The following NARF variants were observed in gnomAD, a reference collection of about 807,000 sequenced individuals.
NARF encodes the protein iron-only hydrogenase-like protein 2.
In NARF, 41 loss-of-function variants were observed where a neutral mutation model predicts 48.0. The ratio of observed to expected loss-of-function variants is 0.85; its 90% CI spans 0.66 to 1.11. NARF has a LOEUF of 1.11. NARF is among the 50% of genes least tolerant of loss of function. The pLI is 0.00. For synonymous variants in NARF, 215 were observed against 225.5 expected, an observed-to-expected ratio of 0.95 and a Z score of 0.42; for missense variants, 613 against 590.2, an observed-to-expected ratio of 1.04 and a Z score of -0.40.
Position 82,458,761 on chromosome 17 carries a change from C to A in NARF, c.-43C>A, listed in dbSNP as rs897261086. ...GTGGTGTCCCAGTCTCCCGGTGCTT[C>A]CCTGAGGCTGAGGCGCCCGGCCTCC... On this transcript the variant is annotated 5_prime_UTR_variant, in exon 1 of 11. Transcript: ENST00000309794. 1.4e-6 allele frequency: 2 copies of A among 1,479,126 alleles called. No individual in the cohort carries two copies. Among genetic ancestry groups the A allele is most frequent in the East Asian group, 2.8e-5 (1 of 36,108 alleles). The allele number at this position is 1,479,126 out of a possible 1,614,324, so 91.6% of individuals were successfully genotyped here. A position where few individuals can be genotyped will look rare whatever the true frequency, so the allele number is the denominator to read the frequency against.
chr17:82,464,235 C>A (rs2043506704), intron 2 of NARF, 52 bp from the exon 3 acceptor site: 5 of 1,582,426 alleles, frequency 3.2e-6, no homozygotes, highest in Non-Finnish European at 4.3e-6. Context: ...TCTAAAGAAG[C>A]ACATTAAAGA....
At chr17:82,485,991 T>C (rs1278774938) in intron 10 of NARF, among the ~76,000 whole-genome samples, 1 of 152,180 alleles carries the variant, frequency 6.6e-6, no homozygotes, top group Non-Finnish European at 1.5e-5. Context: ...GAAACACCCC[T>C]GCCCCGTGCC....
chr17:82,483,861 G>A, intron 8 of NARF, 82 bp downstream of exon 8: 7 of 1,360,742 alleles, frequency 5.1e-6, no homozygotes, highest in Non-Finnish European at 5.2e-6. Context: ...GCCCAGGGCT[G>A]CCCTGCTTTA....
At chr17:82,459,236 T>G in intron 1 of NARF, 4 of 979,168 alleles carry the variant, frequency 4.1e-6, no homozygotes, top group Non-Finnish European at 4.9e-6. Context: ...CGGAAGCGGG[T>G]GACGGCTGCT....
chr17:82,475,580 G>C (rs1459424435), intron 5 of NARF, among the ~76,000 whole-genome samples: 1 of 145,156 alleles, frequency 6.9e-6, no homozygotes, highest in African/African-American at 2.5e-5. Context: ...CTGGGTAACA[G>C]AGCAACCCTG....
At chr17:82,478,625 C>T (rs865945152) in intron 5 of NARF, 175 bp from the exon 6 acceptor site, 6 of 699,524 alleles carry the variant, frequency 8.6e-6, no homozygotes, top group Admixed American at 6.1e-5. Flanking sequence ...TGACCCACAG[C>T]CGGGCCACCG....
intron 7 of NARF, among the ~76,000 whole-genome samples, 172 bp from the exon 8 acceptor site, chr17:82,483,544 T>C (rs2050457710): frequency 6.6e-6 from 1 of 152,130 alleles, no homozygotes. Context: ...GTTTTATTAG[T>C]GTTTCATTTT....
At chr17:82,483,826 G>A (rs375640204) in intron 8 of NARF, 47 bp downstream of exon 8, 29 of 1,576,834 alleles carry the variant, frequency 1.8e-5, no homozygotes, top group Admixed American at 8.4e-5. Context: ...AGGACCTCTC[G>A]TCAGCCCTGC....
At chr17:82,484,971 C>A in intron 9 of NARF, 21 bp downstream of exon 9, 1 of 1,577,934 alleles carries the variant, frequency 6.3e-7, no homozygotes, top group Non-Finnish European at 8.6e-7. Flanking sequence ...GTATCCACAG[C>A]CTGTCTGTGC....
At chr17:82,487,226 G>A (rs2044115024) in intron 10 of NARF, among the ~76,000 whole-genome samples, 1 of 151,156 alleles carries the variant, frequency 6.6e-6, no homozygotes, top group Non-Finnish European at 1.5e-5. Flanking sequence ...GCTCACGCCT[G>A]TAATCCCAGC....
Position 82,490,367 on chromosome 17 carries a change from T to G in NARF, c.*2210T>G, listed in dbSNP as rs1231635576. 2 of 152,280 alleles carry G rather than the reference T, an allele frequency of 1.3e-5. No homozygotes were observed. The highest frequency in any genetic ancestry group is 2.9e-5 in the Non-Finnish European group (2 of 68,086). The allele number at this position is 152,280 out of a possible 1,614,324, so 9.4% of individuals were successfully genotyped here. Reference sequence around the variant, plus strand: ...TCGCTAGGCTGCCTTCATCTCACTCTGTGTGCTGTGCCTGTGCACCTGTCT... The same window carrying G: ...TCGCTAGGCTGCCTTCATCTCACTCGGTGTGCTGTGCCTGTGCACCTGTCT... On this transcript the variant is annotated 3_prime_UTR_variant, in exon 11 of 11. Transcript: ENST00000309794.
At chr17:82,487,661 TC>T (rs1347442752) in intron 10 of NARF, among the ~76,000 whole-genome samples, 1 of 151,936 alleles carries the variant, frequency 6.6e-6, no homozygotes, top group Non-Finnish European at 1.5e-5. Context: ...AGGCAAAACT[TC>T]CTTAAGACTA....
chr17:82,464,459 T>G, intron 3 of NARF, 29 bp downstream of exon 3: 1 of 1,593,362 alleles, frequency 6.3e-7, no homozygotes, highest in Non-Finnish European at 8.6e-7. Context: ...TTGCTGATGC[T>G]GGGGAGCTGA....
intron 7 of NARF, chr17:82,483,102 G>A (rs2044011329): frequency 6.1e-6 from 1 of 164,516 alleles, no homozygotes; most frequent in South Asian, 1.2e-4. Context: ...CTGGTCACCT[G>A]AGGTCAGGAG....
chr17:82,460,310 C>G (rs2043405004), intron 2 of NARF: 2 of 329,688 alleles, frequency 6.1e-6, no homozygotes, highest in Non-Finnish European at 1.1e-5. Flanking sequence ...GCTAAAAATA[C>G]AAAAATTATC....
chr17:82,487,797 C>CGGCA, intron 10 of NARF, 119 bp from the exon 11 acceptor site: 1 of 505,674 alleles, frequency 2.0e-6, no homozygotes, highest in African/African-American at 2.0e-5. Flanking sequence ...CCAATCTCTA[C>CGGCA]AAAAAATTTA....
At chr17:82,474,799 C>T (rs911621476) in intron 5 of NARF, among the ~76,000 whole-genome samples, 4 of 152,122 alleles carry the variant, frequency 2.6e-5, no homozygotes, top group Non-Finnish European at 5.9e-5. Flanking sequence ...TTGGTTGGCT[C>T]GTTATTTGAG....
chr17:82,460,219 C>CTT, intron 2 of NARF, 147 bp downstream of exon 2: 2 of 613,826 alleles, frequency 3.3e-6, no homozygotes, highest in Non-Finnish European at 5.5e-6. Flanking sequence ...AATCCCAGCA[C>CTT]TTTGGGAGGC....
At chr17:82,464,213 G>T (rs1374658185) in intron 2 of NARF, 74 bp from the exon 3 acceptor site, 1 of 1,541,578 alleles carries the variant, frequency 6.5e-7, no homozygotes, top group East Asian at 2.3e-5. Flanking sequence ...TCTGTATATG[G>T]GTGTTACCCT....
Sources: gnomAD v4.1 joint callset for allele counts (sites outside exome capture counted in the v4.1 genomes callset) on GRCh38, gnomAD v4.1.1 for gene constraint, MANE v1.5 for transcripts, NCBI Gene and HGNC (gene_info 2026-07-23, HGNC 2026-07-21) for gene names.